The following ZFX variants were observed in gnomAD, a reference collection of about 807,000 sequenced individuals.
The protein encoded by ZFX is zinc finger X-chromosomal protein.
For synonymous variants in ZFX, 196 were observed against 226.8 expected, an observed-to-expected ratio of 0.86 and a Z score of 1.22; for missense variants, 362 against 628.3, an observed-to-expected ratio of 0.58 and a Z score of 4.53.
At chrX:24,200,921 T>C (rs1312005590) in intron 5 of ZFX, among the ~76,000 whole-genome samples, 1 of 112,386 alleles carries the variant, frequency 8.9e-6, no homozygotes, top group Non-Finnish European at 1.9e-5. Context: ...TTGGTAGTTA[T>C]TATTAGAAGT....
chrX:24,187,176 G>A (rs1216554315), intron 5 of ZFX, among the ~76,000 whole-genome samples: 1 of 111,924 alleles, frequency 8.9e-6, no homozygotes, highest in African/African-American at 3.3e-5. Context: ...CTATCTGCAG[G>A]TCTGATCATA....
intron 3 of ZFX, among the ~76,000 whole-genome samples, chrX:24,167,896 A>G (rs1476040660): frequency 1.8e-5 from 2 of 112,048 alleles, no homozygotes; most frequent in African/African-American, 6.5e-5. Flanking sequence ...AAGGCCCCAC[A>G]TGGTCTGCAT....
intron 5 of ZFX, among the ~76,000 whole-genome samples, chrX:24,202,428 C>A (rs1452304106): frequency 3.6e-5 from 4 of 111,870 alleles, no homozygotes; most frequent in African/African-American, 1.3e-4. Context: ...TCTAGTCTGA[C>A]CCCCTACAGC....
intron 8 of ZFX, 95 bp from the exon 9 acceptor site, chrX:24,208,805 A>AT: frequency 1.1e-6 from 1 of 929,198 alleles, no homozygotes; most frequent in Non-Finnish European, 1.5e-6. Context: ...CATGAGTATC[A>AT]TGGCTTACTT....
rs2148037797 is a variant in ZFX at position 24,208,275 on chromosome X, C to A, written c.998C>A (p.Ala333Asp). The change falls in exon 8 of 10, where the codon GCT (alanine) becomes GAT (aspartate). Residue 333 changes from alanine (A) to aspartate (D), a missense_variant. Ala to Asp is a moderately radical substitution (Grantham distance 126). Coordinates refer to ENST00000304543, the MANE Select transcript of ZFX (RefSeq NM_003410.4). ...GAAGTGATCGTAGGAGAGGAGGATGCTGCAGCAGCAGCGGCAGCCGCCGCC... is the reference window on the plus strand; with the variant it reads ...GAAGTGATCGTAGGAGAGGAGGATGATGCAGCAGCAGCGGCAGCCGCCGCC... The part of the protein sequence containing the change: ...YMEVIVGEED[A>D]AAAAAAAAVH... The A allele has an allele frequency of 8.3e-7, 1 of 1,211,374 alleles. No homozygotes were observed. The highest frequency in any genetic ancestry group is 1.1e-6 in the Non-Finnish European group (1 of 895,352).
At chrX:24,162,883 A>G (rs1933503866) in intron 3 of ZFX, among the ~76,000 whole-genome samples, 2 of 111,203 alleles carry the variant, frequency 1.8e-5, no homozygotes, top group South Asian at 3.7e-4. Context: ...GCAACCACTA[A>G]TCTACCTTCT....
intron 4 of ZFX, chrX:24,177,876 A>G: frequency 1.3e-6 from 1 of 749,666 alleles, no homozygotes. Context: ...GGTAAAACAC[A>G]TATAATGAAG....
At chrX:24,200,549 G>T (rs1051776867) in intron 5 of ZFX, among the ~76,000 whole-genome samples, 1 of 112,336 alleles carries the variant, frequency 8.9e-6, no homozygotes, top group Non-Finnish European at 1.9e-5. Context: ...TTCTAATGTT[G>T]TACCTTTGTT....
chrX:24,173,992 C>G (rs971755878), intron 4 of ZFX, among the ~76,000 whole-genome samples: 2 of 110,327 alleles, frequency 1.8e-5, no homozygotes, highest in African/African-American at 6.6e-5. Context: ...GGGTGGATCA[C>G]TTGAGGCCAG....
intron 5 of ZFX, among the ~76,000 whole-genome samples, chrX:24,187,589 A>C (rs1215988535): frequency 8.9e-6 from 1 of 111,942 alleles, no homozygotes; most frequent in African/African-American, 3.2e-5. Flanking sequence ...TGTTTTTCTA[A>C]CTGAAAAGTA....
At chrX:24,205,908 CCT>C (rs1310710933) in intron 5 of ZFX, among the ~76,000 whole-genome samples, 2 of 110,621 alleles carry the variant, frequency 1.8e-5, no homozygotes, top group Non-Finnish European at 3.8e-5. Context: ...TTGTATATCC[CCT>C]GAGTCTCTAC....
chrX:24,189,271 A>G (rs767625977), intron 5 of ZFX, among the ~76,000 whole-genome samples: 33 of 112,114 alleles, frequency 2.9e-4, no homozygotes, highest in African/African-American at 9.1e-4. Flanking sequence ...AGCTTATGCA[A>G]CTGGGCACAT....
intron 2 of ZFX, among the ~76,000 whole-genome samples, 174 bp downstream of exon 2, chrX:24,151,974 A>C (rs1016207237): frequency 2.1e-4 from 23 of 111,804 alleles, no homozygotes; most frequent in African/African-American, 7.1e-4. Context: ...CCTTTTTTCT[A>C]TCCTGATTTC....
intron 3 of ZFX, among the ~76,000 whole-genome samples, chrX:24,166,621 G>A (rs1453302196): frequency 1.8e-5 from 2 of 110,890 alleles, no homozygotes; most frequent in East Asian, 5.6e-4. Context: ...CTGTCTCATA[G>A]GTTCTTTTGC....
At chrX:24,159,444 T>C (rs965685210) in intron 3 of ZFX, among the ~76,000 whole-genome samples, 1 of 112,218 alleles carries the variant, frequency 8.9e-6, no homozygotes, top group Non-Finnish European at 1.9e-5. Flanking sequence ...CTTTTTTCTT[T>C]TAAACAGTTG....
At chrX:24,207,174 A>G (rs762963655) in intron 5 of ZFX, 152 bp from the exon 6 acceptor site, 94 of 507,631 alleles carry the variant, frequency 1.9e-4, no homozygotes, top group Non-Finnish European at 2.8e-4. Flanking sequence ...CGGAGGTTGC[A>G]GTCAGTGAGC....
In ZFX at chrX:24,214,138, A is replaced by AT. The variant is rs1938305889; in HGVS notation, c.*2764dup. ...TGACATTAGTTACAACCTAGTTTTA[A>AT]TTCTTAAAACAATTTTGATTAGCAA... On this transcript the variant is annotated 3_prime_UTR_variant, in exon 10 of 10. Transcript: ENST00000304543. The AT allele has an allele frequency of 8.9e-6, 1 of 111,914 alleles. No individual in the cohort carries two copies. Among genetic ancestry groups the AT allele is most frequent in the Admixed American group, 9.5e-5 (1 of 10,522 alleles). The allele number at this position is 111,914 out of a possible 1,213,427, so 9.2% of individuals were successfully genotyped here.
intron 3 of ZFX, among the ~76,000 whole-genome samples, chrX:24,157,203 G>C (rs1214387619): frequency 1.8e-5 from 2 of 112,210 alleles, no homozygotes; most frequent in African/African-American, 3.2e-5. Context: ...ACTTTTGTTA[G>C]ATATTTTTGT....
At position 24,207,495 on chromosome X, in the gene ZFX, C is replaced by T; in HGVS notation, c.796+20C>T. 1 of 1,196,775 alleles carries T rather than the reference C, an allele frequency of 8.4e-7. No individual in the cohort carries two copies. Among genetic ancestry groups the T allele is most frequent in the Non-Finnish European group, 1.1e-6 (1 of 889,233 alleles). ...ACTTAGGTAAGAAGAAGTGTTTAGA[C>T]ATTATACATCCTCATCCAAATGTTT... On this transcript the variant is annotated intron_variant, in intron 6 of 9. Transcript: ENST00000304543.
Sources: gnomAD v4.1 joint callset for allele counts (sites outside exome capture counted in the v4.1 genomes callset) on GRCh38, gnomAD v4.1.1 for gene constraint, MANE v1.5 for transcripts, NCBI Gene and HGNC (gene_info 2026-07-23, HGNC 2026-07-21) for gene names.